The following DNAH5 variants were observed in gnomAD, a reference collection of about 807,000 sequenced individuals.
The protein encoded by DNAH5 is dynein axonemal heavy chain 5, also known as axonemal beta dynein heavy chain 5.
A neutral mutation model predicts 518.2 loss-of-function variants in DNAH5; 372 were observed. The ratio of observed to expected loss-of-function variants is 0.72; its 90% CI spans 0.66 to 0.78. DNAH5 has a LOEUF of 0.78. Among genes scored for constraint, DNAH5 ranks in the 30% least tolerant of loss-of-function variants. The probability of loss-of-function intolerance (pLI) is 0.00; values close to 1 mark genes in which losing one functional copy is unlikely to be tolerated. For missense variants in DNAH5, 5,523 were observed against 5,687.0 expected, an observed-to-expected ratio of 0.97 and a Z score of 0.93; for synonymous variants, 2,039 against 2,025.9, an observed-to-expected ratio of 1.01 and a Z score of -0.17.
At chr5:13,898,839 C>G (rs1429856012) in intron 15 of DNAH5, 2 of 382,704 alleles carry the variant, frequency 5.2e-6, no homozygotes, top group African/African-American at 2.1e-5. Flanking sequence ...CTGATCTCAC[C>G]TTCTTCATCC....
At position 13,721,049 on chromosome 5, in the gene DNAH5, T is replaced by TGGCCCA; in HGVS notation, c.12224_12229dup (p.Gly4076_Gln4077insLeuGly). 1 of 1,614,164 alleles carries TGGCCCA rather than the reference T, an allele frequency of 6.2e-7. No homozygotes were observed. The highest frequency in any genetic ancestry group is 8.5e-7 in the Non-Finnish European group (1 of 1,179,988). Reference sequence around the variant, plus strand: ...CTTCCGAGCATGGACTTCCTGGCCCTGGCCCATGGACACATAACGGGTTTC... The same window carrying TGGCCCA: ...CTTCCGAGCATGGACTTCCTGGCCCTGGCCCAGGCCCATGGACACATAACGGGTTTC... On this transcript the variant is annotated inframe_insertion, in exon 71 of 79. Transcript: ENST00000265104.
chr5:13,723,190 C>G (rs1193770208), intron 70 of DNAH5, among the ~76,000 whole-genome samples: 1 of 152,196 alleles, frequency 6.6e-6, no homozygotes, highest in Non-Finnish European at 1.5e-5. Flanking sequence ...CATATAAAAG[C>G]CTACATATTT....
intron 74 of DNAH5, among the ~76,000 whole-genome samples, chr5:13,716,019 TC>T (rs1306724712): frequency 2.6e-5 from 4 of 152,216 alleles, no homozygotes; most frequent in South Asian, 2.1e-4. Context: ...CAAAGCAGCT[TC>T]CTGGACATAT....
chr5:13,737,076 A>G (rs1457148009), intron 66 of DNAH5, among the ~76,000 whole-genome samples, 176 bp downstream of exon 66: 1 of 152,212 alleles, frequency 6.6e-6, no homozygotes, highest in Admixed American at 6.5e-5. Context: ...AATTTATACC[A>G]TTATAAAAAA....
intron 1 of DNAH5, among the ~76,000 whole-genome samples, chr5:13,984,219 A>T (rs951605667): frequency 9.9e-5 from 15 of 152,222 alleles, no homozygotes; most frequent in Non-Finnish European, 1.2e-4. Flanking sequence ...AAAGATTTGT[A>T]GTTCTCCTTG....
intron 1 of DNAH5, chr5:13,932,301 A>G (rs1234550004): frequency 7.2e-5 from 11 of 152,236 alleles, no homozygotes; most frequent in Non-Finnish European, 1.6e-4. Context: ...ATGGGTCTAC[A>G]GAGAAGGAGC....
intron 63 of DNAH5, 101 bp downstream of exon 63, chr5:13,753,132 A>G (rs1750481217): frequency 1.2e-6 from 1 of 853,866 alleles, no homozygotes. Context: ...GATTACAAAA[A>G]CATCTCTAGT....
rs373765248 is a variant in DNAH5, at chr5:13,809,067, G to A, written c.7729C>T (p.Gln2577Ter). ...ACCTTGCCCTGTTTAGCAATGGTTT[G>A]AATTAGAAAGTCAGTCCTCACATTG... ...VDNVRTDFLI[Q>*]TIAKQGKAVL... is the part of the protein sequence containing the mutation. Residue 2577 changes from glutamine (Q) to a stop codon, truncating the protein, a stop_gained, in exon 46 of 79, where the codon CAA becomes TAA. Transcript: ENST00000265104. LOFTEE classifies it high-confidence loss of function. 1 of 1,614,184 alleles carries A rather than the reference G, an allele frequency of 6.2e-7. No homozygotes were observed. The highest frequency in any genetic ancestry group is 1.7e-5 in the Admixed American group (1 of 60,018).
intron 1 of DNAH5, among the ~76,000 whole-genome samples, chr5:13,957,050 A>G (rs1780807023): frequency 6.6e-6 from 1 of 152,220 alleles, no homozygotes; most frequent in African/African-American, 2.4e-5. Flanking sequence ...TTTTAAGAAG[A>G]AATCCTCAGA....
At chr5:13,901,010 T>C (rs1025347634) in intron 14 of DNAH5, among the ~76,000 whole-genome samples, 22 of 152,236 alleles carry the variant, frequency 1.4e-4, no homozygotes, top group African/African-American at 5.3e-4. Context: ...AACAAGATCT[T>C]CTCACTTTGG....
intron 40 of DNAH5, among the ~76,000 whole-genome samples, chr5:13,822,260 T>C (rs950098076): frequency 6.6e-6 from 1 of 151,908 alleles, no homozygotes; most frequent in East Asian, 1.9e-4. Context: ...CATTTGTTTG[T>C]TTGTTTTTGA....
intron 38 of DNAH5, among the ~76,000 whole-genome samples, 153 bp from the exon 39 acceptor site, chr5:13,824,486 T>C (rs940134896): frequency 1.4e-4 from 22 of 152,236 alleles, no homozygotes; most frequent in African/African-American, 5.3e-4. Context: ...TATTTCTATA[T>C]AGATATACGT....
intron 42 of DNAH5, among the ~76,000 whole-genome samples, chr5:13,817,161 A>G (rs576162913): frequency 2.0e-5 from 3 of 152,334 alleles, no homozygotes; most frequent in African/African-American, 4.8e-5. Flanking sequence ...CTGTGACTTT[A>G]TAGAGAAATC....
chr5:13,796,249 G>A (rs1182054613), intron 47 of DNAH5, among the ~76,000 whole-genome samples: 1 of 152,158 alleles, frequency 6.6e-6, no homozygotes, highest in East Asian at 1.9e-4. Context: ...AGGAAATGAG[G>A]AAGTCAAATT....
At chr5:13,838,481 G>A (rs1764711064) in intron 35 of DNAH5, among the ~76,000 whole-genome samples, 1 of 152,056 alleles carries the variant, frequency 6.6e-6, no homozygotes, top group Non-Finnish European at 1.5e-5. Flanking sequence ...ATTATGAACT[G>A]CACGTGAACC....
intron 69 of DNAH5, 47 bp from the exon 70 acceptor site, chr5:13,727,703 T>G: frequency 6.2e-7 from 1 of 1,606,656 alleles, no homozygotes; most frequent in Non-Finnish European, 8.5e-7. Flanking sequence ...CCCAACAATC[T>G]TTCAGTAACA....
In DNAH5 at chr5:13,931,003, A is replaced by C. The variant is rs1041746964; in HGVS notation, c.192+107T>G. The C allele has an allele frequency of 3.9e-6, 6 of 1,556,360 alleles. No individual in the cohort carries two copies. The African/African-American group carries it at 8.2e-5, about 21-fold the overall frequency. On this transcript the variant is annotated intron_variant, in intron 2 of 78. Coordinates refer to ENST00000265104, the MANE Select transcript of DNAH5 (RefSeq NM_001369.3). ...AGAATGGAGCCCTGTCCACGTTAAG[A>C]CAGGCACCTCCCTCTGGGCACAGCA... is the stretch of plus-strand genomic sequence containing the variant.
intron 31 of DNAH5, among the ~76,000 whole-genome samples, chr5:13,847,965 G>A (rs549493318): frequency 2.1e-4 from 32 of 152,282 alleles, no homozygotes; most frequent in African/African-American, 7.7e-4. Flanking sequence ...CCAGAGCAGG[G>A]AAACTTTCAG....
intron 1 of DNAH5, among the ~76,000 whole-genome samples, chr5:13,961,789 T>G (rs1781205879): frequency 6.6e-6 from 1 of 152,210 alleles, no homozygotes; most frequent in African/African-American, 2.4e-5. Context: ...TAATCCTTGA[T>G]GCTCAACTCC....
Sources: allele counts gnomAD v4.1 joint callset (sites outside exome capture counted in the v4.1 genomes callset), GRCh38; gene constraint gnomAD v4.1.1; transcripts MANE v1.5; gene names NCBI Gene and HGNC (gene_info 2026-07-23, HGNC 2026-07-21).